Variants in NFATC1 observed in about 807,000 individuals in gnomAD.
NFATC1 encodes nuclear factor of activated T-cells, cytoplasmic 1.
A neutral mutation model predicts 76.0 loss-of-function variants in NFATC1; 22 were observed. That is an observed-to-expected ratio of 0.29 (90% CI 0.21 to 0.41). The LOEUF is 0.41. Among genes scored for constraint, NFATC1 ranks in the 10% least tolerant of loss-of-function variants. The probability of loss-of-function intolerance (pLI) is 1.00; values close to 1 mark genes in which losing one functional copy is unlikely to be tolerated. For missense variants in NFATC1, 1,357 were observed against 1,337.7 expected, an observed-to-expected ratio of 1.01 and a Z score of -0.23; for synonymous variants, 704 against 613.1, an observed-to-expected ratio of 1.15 and a Z score of -2.19.
chr18:79,483,564 T>C (rs376750132), intron 8 of NFATC1, among the ~76,000 whole-genome samples: 113 of 111,602 alleles, frequency 1.0e-3, no homozygotes, highest in Non-Finnish European at 1.4e-3. Flanking sequence ...GGTCCTGGGG[T>C]GTCACTCCGG....
intron 3 of NFATC1, among the ~76,000 whole-genome samples, chr18:79,444,988 A>G (rs986597984): frequency 3.9e-5 from 6 of 152,352 alleles, no homozygotes; most frequent in Middle Eastern, 3.4e-3. Flanking sequence ...AGCCTGTCCC[A>G]CTTCGGGCAG....
chr18:79,436,035 C>T (rs1356889461), intron 3 of NFATC1, among the ~76,000 whole-genome samples: 1 of 152,198 alleles, frequency 6.6e-6, no homozygotes, highest in Non-Finnish European at 1.5e-5. Flanking sequence ...GGTTAGTTTT[C>T]TCTTTCAGTT....
intron 2 of NFATC1, among the ~76,000 whole-genome samples, 161 bp downstream of exon 2, chr18:79,411,662 G>A (rs2085690624): frequency 6.6e-6 from 1 of 152,308 alleles, no homozygotes; most frequent in African/African-American, 2.4e-5. Context: ...GGGAGGCAGA[G>A]TCTGTCCCCA....
At position 79,396,394 on chromosome 18, in the gene NFATC1, C is replaced by G. The variant is rs551826112; in HGVS notation, c.127+43C>G. 3.1e-5 allele frequency: 36 copies of G among 1,167,900 alleles called. No individual in the cohort carries two copies. The South Asian group carries it at 1.1e-3, about 35-fold the overall frequency. The allele number at this position is 1,167,900 out of a possible 1,614,324, so 72.3% of individuals were successfully genotyped here. On this transcript the variant is annotated intron_variant, in intron 1 of 9. Transcript: ENST00000427363. ...TCCGCCCCCGGACCCCTGCGCCCCC[C>G]ACGGCCCGGGCCGCGCCCCCCGACC...
At chr18:79,487,736 C>G (rs1218729372) in intron 9 of NFATC1, among the ~76,000 whole-genome samples, 1 of 152,140 alleles carries the variant, frequency 6.6e-6, no homozygotes, top group Admixed American at 6.5e-5. Flanking sequence ...GCGCTGTGAT[C>G]GGGGCGTGCC....
At position 79,410,023 on chromosome 18, in the gene NFATC1, C is replaced by G. The variant is rs2085604445; in HGVS notation, c.128-380C>G. ...ATGAAGAGCGGAACCCGTGAGGACC[C>G]AGTCGCCTCTCTCTGGGAAGGACGT... On this transcript the variant is annotated intron_variant, in intron 1 of 9. Transcript: ENST00000427363. This position sits in a 1 kb window ranked among gnomAD's most constrained non-coding sequence, Gnocchi z 6.7. The G allele has an allele frequency of 3.4e-6, 2 of 581,794 alleles. No individual in the cohort carries two copies. Among genetic ancestry groups the G allele is most frequent in the Admixed American group, 1.9e-5 (1 of 52,680 alleles). 36.0% of individuals were successfully genotyped at this position (581,794 alleles called of 1,614,324 possible).
chr18:79,446,381 G>A (rs886088335), intron 3 of NFATC1, among the ~76,000 whole-genome samples: 23 of 151,228 alleles, frequency 1.5e-4, no homozygotes, highest in African/African-American at 5.1e-4. Flanking sequence ...GAGCTGCCCC[G>A]GTGCCCCTCC....
chr18:79,415,975 T>A (rs111277774), intron 2 of NFATC1, among the ~76,000 whole-genome samples: 3,002 of 152,262 alleles, frequency 0.02, 99 homozygotes, highest in African/African-American at 0.068. Flanking sequence ...GGCAGGCGAA[T>A]CATTTGAACC....
intron 9 of NFATC1, among the ~76,000 whole-genome samples, chr18:79,500,286 ATAAT>A (rs1374932332): frequency 2.2e-4 from 33 of 152,328 alleles, no homozygotes; most frequent in Middle Eastern, 6.8e-3. Flanking sequence ...ACATTTCTAA[ATAAT>A]TAATGAGTGA....
intron 2 of NFATC1, among the ~76,000 whole-genome samples, chr18:79,424,543 CTCTCTG>C (rs1395444764): frequency 1.4e-4 from 22 of 151,890 alleles, no homozygotes; most frequent in African/African-American, 2.7e-4. Context: ...CCCTGTCTCT[CTCTCTG>C]TCTCTGTCTC....
At position 79,524,256 on chromosome 18, in the gene NFATC1, G is replaced by A. The variant is rs563875669; in HGVS notation, c.2783-3272G>A. 6.6e-6 allele frequency among the ~76,000 whole-genome samples: 1 copy of A among 152,362 alleles called. No homozygotes were observed. Among genetic ancestry groups the A allele is most frequent in the South Asian group, 2.1e-4 (1 of 4,826 alleles). On this transcript the variant is annotated intron_variant, in intron 9 of 9. Coordinates refer to ENST00000427363, the MANE Select transcript of NFATC1 (RefSeq NM_001278669.2). This position sits in a 1 kb window ranked among gnomAD's most constrained non-coding sequence, Gnocchi z 7.2. ...CCCAGGATGGGCCCGTTGTCCACCT[G>A]TGAAAGGGGAAGCCGTGGCTTTCCT...
intron 8 of NFATC1, among the ~76,000 whole-genome samples, chr18:79,475,155 ACACT>A (rs373018883): frequency 1.2e-4 from 17 of 144,556 alleles, no homozygotes; most frequent in South Asian, 1.1e-3. Context: ...GCATGTTCTC[ACACT>A]CACTGTCGAC....
chr18:79,444,205 G>C (rs1277295363), intron 3 of NFATC1, among the ~76,000 whole-genome samples: 2 of 152,048 alleles, frequency 1.3e-5, no homozygotes, highest in African/African-American at 4.8e-5. Context: ...GTGTGTGTGT[G>C]CGTGTGTGTG....
intron 4 of NFATC1, among the ~76,000 whole-genome samples, chr18:79,450,346 A>T (rs925664041): frequency 6.6e-6 from 1 of 151,492 alleles, no homozygotes; most frequent in Non-Finnish European, 1.5e-5. Flanking sequence ...CACACAAAAA[A>T]TGAGGGCTTT....
intron 6 of NFATC1, among the ~76,000 whole-genome samples, chr18:79,452,818 C>T (rs767784420): frequency 6.6e-6 from 1 of 152,208 alleles, no homozygotes; most frequent in Non-Finnish European, 1.5e-5. Flanking sequence ...GGCATGCCCC[C>T]ACAAGGCCTG....
chr18:79,438,144 G>A (rs2144695869), intron 3 of NFATC1, among the ~76,000 whole-genome samples: 1 of 152,366 alleles, frequency 6.6e-6, no homozygotes, highest in East Asian at 1.9e-4. Flanking sequence ...GGCGTGAGCA[G>A]TGCCCGCCCT....
intron 8 of NFATC1, among the ~76,000 whole-genome samples, chr18:79,479,091 C>G (rs2089184048): frequency 1.3e-5 from 2 of 152,236 alleles, no homozygotes; most frequent in African/African-American, 4.8e-5. Context: ...AGCCAGCCGG[C>G]CCTGAGGCCA....
At chr18:79,400,718 G>T (rs1440236250) in intron 1 of NFATC1, among the ~76,000 whole-genome samples, 1 of 149,156 alleles carries the variant, frequency 6.7e-6, no homozygotes, top group Non-Finnish European at 1.5e-5. Context: ...GGGCGTGGAC[G>T]AAGTGGTCCC....
chr18:79,410,642 A>G lies in NFATC1; in HGVS notation c.367A>G (p.Thr123Ala). The G allele has an allele frequency of 6.2e-7, 1 of 1,613,132 alleles. No individual in the cohort carries two copies. Among genetic ancestry groups the G allele is most frequent in the Non-Finnish European group, 8.5e-7 (1 of 1,179,982 alleles). The change falls in exon 2 of 10, where the codon ACC (threonine) becomes GCC (alanine). Residue 123 changes from threonine to alanine, a missense_variant. Physicochemically the swap from Thr to Ala is moderately conservative, Grantham distance 58 (BLOSUM62 0). Transcript: ENST00000427363. This position sits in a 1 kb window ranked among gnomAD's most constrained non-coding sequence, Gnocchi z 6.7. ...CCTGGAGAGTCCTCGCATCGAGATA[A>G]CCTCGTGCTTGGGCCTGTACCACAA... Reference protein sequence around the residue: ...PALESPRIEITSCLGLYHNNN... With the variant: ...PALESPRIEIASCLGLYHNNN...
Sources: allele counts gnomAD v4.1 joint callset (sites outside exome capture counted in the v4.1 genomes callset), GRCh38; gene constraint gnomAD v4.1.1; non-coding constraint Gnocchi (gnomAD v3.1); transcripts MANE v1.5; gene names NCBI Gene and HGNC (gene_info 2026-07-23, HGNC 2026-07-21).